FTCDNL1: variants seen among roughly 807,000 people sequenced by gnomAD.
FTCDNL1 encodes the protein formiminotransferase cyclodeaminase N-terminal like.
FTCDNL1 carries 11 observed loss-of-function variants against 5.9 expected under a neutral mutation model. That is an observed-to-expected ratio of 1.87 (90% CI 1.18 to 3.10). The LOEUF (loss-of-function observed/expected upper bound fraction) is 3.10, where lower values mean the gene tolerates loss of function less well. FTCDNL1 is among the 30% of genes most tolerant of loss of function. The pLI is 0.00. For missense variants in FTCDNL1, 115 were observed against 65.5 expected, an observed-to-expected ratio of 1.76 and a Z score of -2.61; for synonymous variants, 58 against 24.8, an observed-to-expected ratio of 2.34 and a Z score of -3.99.
the FTCDNL1 span, among the ~76,000 whole-genome samples, chr2:199,746,893 C>T: frequency 1.4e-3 from 212 of 152,226 alleles, 1 homozygote; most frequent in Middle Eastern, 0.027. Flanking sequence ...AACTCCTCTT[C>T]CCTCCCTCAC....
chr2:199,840,435 G>A (rs189982049), intron 3 of FTCDNL1, among the ~76,000 whole-genome samples: 6 of 152,202 alleles, frequency 3.9e-5, no homozygotes, highest in Admixed American at 3.9e-4. Flanking sequence ...ATGTTGAGAG[G>A]TTGGAAGATT....
the FTCDNL1 span, among the ~76,000 whole-genome samples, chr2:199,711,328 T>G: frequency 7.9e-6 from 1 of 126,670 alleles, no homozygotes; most frequent in East Asian, 2.5e-4. Flanking sequence ...GACCCATATG[T>G]GTAATGACAG....
At chr2:199,695,737 C>G in the FTCDNL1 span, among the ~76,000 whole-genome samples, 7 of 152,194 alleles carry the variant, frequency 4.6e-5, no homozygotes, top group African/African-American at 1.7e-4. Context: ...GCAGGGAGAG[C>G]TGCTTGGAGA....
chr2:199,707,876 T>C, the FTCDNL1 span, among the ~76,000 whole-genome samples: 1 of 152,094 alleles, frequency 6.6e-6, no homozygotes, highest in Admixed American at 6.6e-5. Flanking sequence ...TAAAATTTTC[T>C]GTGTTTTGGC....
At position 199,809,498 on chromosome 2, in the gene FTCDNL1, T is replaced by C. The variant is rs1700912626; in HGVS notation, c.*3207A>G. Among the ~76,000 whole-genome samples, 1 of 152,192 alleles carries C rather than the reference T, an allele frequency of 6.6e-6. No individual in the cohort carries two copies. The highest frequency in any genetic ancestry group is 1.5e-5 in the Non-Finnish European group (1 of 68,042). The stretch of plus-strand genomic sequence containing the variant: ...CAATTTGTGGAAAAATTCATTTCTC[T>C]GTGCTTTATGGGGAGCATCTGATAC... On this transcript the variant is annotated 3_prime_UTR_variant, in exon 5 of 5. Transcript: ENST00000420128.
chr2:199,816,079 A>G (rs1352292873), intron 4 of FTCDNL1, among the ~76,000 whole-genome samples: 1 of 152,226 alleles, frequency 6.6e-6, no homozygotes, highest in African/African-American at 2.4e-5. Flanking sequence ...ATGTGCAATT[A>G]AGGTAACCTA....
chr2:199,709,498 T>C, the FTCDNL1 span, among the ~76,000 whole-genome samples: 9 of 152,016 alleles, frequency 5.9e-5, no homozygotes, highest in Non-Finnish European at 1.3e-4. Flanking sequence ...TATTTAGAGA[T>C]AGATTGCAGG....
chr2:199,814,423 A>C (rs1701228207), intron 4 of FTCDNL1, among the ~76,000 whole-genome samples: 1 of 152,208 alleles, frequency 6.6e-6, no homozygotes, highest in South Asian at 2.1e-4. Context: ...TCTTTCTGTA[A>C]AATGGTTATG....
chr2:199,698,860 T>C, the FTCDNL1 span, among the ~76,000 whole-genome samples: 1 of 151,918 alleles, frequency 6.6e-6, no homozygotes, highest in Non-Finnish European at 1.5e-5. Context: ...TAAATGAGAT[T>C]GATAGACTGC....
intron 3 of FTCDNL1, among the ~76,000 whole-genome samples, chr2:199,790,391 G>A (rs921008138): frequency 1.3e-4 from 19 of 151,796 alleles, no homozygotes; most frequent in African/African-American, 4.4e-4. Flanking sequence ...CCAGCTACTC[G>A]GGAGGCTGAG....
At position 199,851,170 on chromosome 2, in the gene FTCDNL1, G is replaced by T. The variant is rs1011638616; in HGVS notation, c.-438C>A. 1.3e-5 allele frequency: 2 copies of T among 148,526 alleles called. No individual in the cohort carries two copies. Among genetic ancestry groups the T allele is most frequent in the African/African-American group, 4.9e-5 (2 of 41,052 alleles). 9.2% of individuals were successfully genotyped at this position (148,526 alleles called of 1,614,324 possible). On this transcript the variant is annotated 5_prime_UTR_variant, in exon 1 of 5. Transcript: ENST00000420128. The stretch of plus-strand genomic sequence containing the variant: ...GCCTCCGCCGCCGCGCGTGGCCCGC[G>T]CGCAGCGTCTGCCGCCGGCTCCGCC...
the FTCDNL1 span, among the ~76,000 whole-genome samples, chr2:199,672,146 T>C: frequency 6.6e-6 from 1 of 152,148 alleles, no homozygotes; most frequent in South Asian, 2.1e-4. Context: ...TTGACTTCCA[T>C]AGCTACCTGG....
chr2:199,684,214 T>A, the FTCDNL1 span, among the ~76,000 whole-genome samples: 1 of 152,234 alleles, frequency 6.6e-6, no homozygotes, highest in Non-Finnish European at 1.5e-5. Flanking sequence ...TTAATTATTG[T>A]ACTGTGAGAA....
At chr2:199,712,841 A>T in the FTCDNL1 span, among the ~76,000 whole-genome samples, 1 of 152,192 alleles carries the variant, frequency 6.6e-6, no homozygotes, top group African/African-American at 2.4e-5. Context: ...TTATAAGGAC[A>T]CCAAGTCATA....
At chr2:199,740,370 G>A in the FTCDNL1 span, among the ~76,000 whole-genome samples, 1 of 152,224 alleles carries the variant, frequency 6.6e-6, no homozygotes, top group Non-Finnish European at 1.5e-5. Flanking sequence ...AAAAGGTAGA[G>A]TGGGAACTCA....
chr2:199,765,745 G>A (rs1304733822), intron 3 of FTCDNL1, among the ~76,000 whole-genome samples: 2 of 151,216 alleles, frequency 1.3e-5, no homozygotes, highest in African/African-American at 4.9e-5. Context: ...GTTTCACCGT[G>A]TTGCCCAGCC....
the FTCDNL1 span, among the ~76,000 whole-genome samples, chr2:199,707,913 C>T: frequency 5.3e-5 from 8 of 151,834 alleles, no homozygotes; most frequent in Non-Finnish European, 8.8e-5. Flanking sequence ...TCTGATGTGT[C>T]TTGATGTGTT....
At chr2:199,735,537 C>T in the FTCDNL1 span, among the ~76,000 whole-genome samples, 1 of 152,038 alleles carries the variant, frequency 6.6e-6, no homozygotes, top group Non-Finnish European at 1.5e-5. Context: ...TTCCATGCTT[C>T]CTTGGTTTTT....
intron 3 of FTCDNL1, among the ~76,000 whole-genome samples, chr2:199,784,223 A>G (rs2106336416): frequency 6.6e-6 from 1 of 152,296 alleles, no homozygotes; most frequent in South Asian, 2.1e-4. Flanking sequence ...AATGTATTAA[A>G]GACTCCCAGC....
Sources: allele counts gnomAD v4.1 joint callset (sites outside exome capture counted in the v4.1 genomes callset), GRCh38; gene constraint gnomAD v4.1.1; transcripts MANE v1.5; gene names NCBI Gene and HGNC (gene_info 2026-07-23, HGNC 2026-07-21).